The following CEACAM19 variants were observed in gnomAD, a reference collection of about 807,000 sequenced individuals.
CEACAM19 encodes the protein cell adhesion molecule CEACAM19.
CEACAM19 carries 37 observed loss-of-function variants against 37.6 expected under a neutral mutation model. The observed-to-expected ratio is 0.98, with a 90% CI of 0.76 to 1.29. The LOEUF (loss-of-function observed/expected upper bound fraction) is 1.29, where lower values mean the gene tolerates loss of function less well. Ranked by LOEUF, CEACAM19 falls within the 50% of genes most tolerant of loss-of-function variation. CEACAM19 has a pLI of 0.00. For missense variants in CEACAM19, 340 were observed against 375.6 expected, an observed-to-expected ratio of 0.91 and a Z score of 0.78; for synonymous variants, 140 against 149.8, an observed-to-expected ratio of 0.93 and a Z score of 0.48.
At chr19:44,679,501 G>A (rs540280615) in intron 4 of CEACAM19, among the ~76,000 whole-genome samples, 10 of 152,174 alleles carry the variant, frequency 6.6e-5, no homozygotes, top group Non-Finnish European at 1.3e-4. Context: ...TGTAATCCCA[G>A]CACTTTGGGA....
At chr19:44,667,877 AAAT>A (rs1460940162), upstream of CEACAM19, among the ~76,000 whole-genome samples, 1 of 69,034 alleles carries the variant, frequency 1.4e-5, no homozygotes, top group African/African-American at 7.6e-5. Context: ...TATAATATAT[AAAT>A]ATATATAAAT....
chr19:44,667,740 AATATATAAAT>A (rs1162782821), upstream of CEACAM19, among the ~76,000 whole-genome samples: 1 of 73,282 alleles, frequency 1.4e-5, no homozygotes, highest in African/African-American at 6.3e-5. Flanking sequence ...TTATATATAT[AATATATAAAT>A]TATATAAATT....
In CEACAM19 at chr19:44,672,726, C is replaced by T; in HGVS notation, c.186C>T (p.Asp62=). ...SVQGVPDTFQ[D]FNWYLGEETY... Reference sequence around the variant, plus strand: ...AGGGTGTCCCAGACACCTTCCAGGACTTCAACTGGTACCTGGGGGAGGAGA... The same window carrying T: ...AGGGTGTCCCAGACACCTTCCAGGATTTCAACTGGTACCTGGGGGAGGAGA... The change falls in exon 2 of 8, where the codon GAC becomes GAT. Residue 62 remains aspartate, a synonymous_variant. Coordinates refer to ENST00000358777, the MANE Select transcript of CEACAM19 (RefSeq NM_001127893.3). 6 of 1,583,710 alleles carry T rather than the reference C, an allele frequency of 3.8e-6. No homozygotes were observed. The highest frequency in any genetic ancestry group is 5.2e-6 in the Non-Finnish European group (6 of 1,163,718).
At chr19:44,667,850 A>T (rs868031617), upstream of CEACAM19, among the ~76,000 whole-genome samples, 1 of 70,392 alleles carries the variant, frequency 1.4e-5, no homozygotes, top group Non-Finnish European at 2.3e-5. Context: ...TAATATATAC[A>T]ATATATATAA....
At chr19:44,678,584 T>C (rs1238439357) in intron 3 of CEACAM19, 1 of 262,062 alleles carries the variant, frequency 3.8e-6, no homozygotes, top group Non-Finnish European at 7.2e-6. Context: ...CTAATTTTTG[T>C]ATTTTTAGTA....
At chr19:44,668,241 AAT>A (rs1324829824), upstream of CEACAM19, among the ~76,000 whole-genome samples, 1 of 85,316 alleles carries the variant, frequency 1.2e-5, no homozygotes, top group Non-Finnish European at 2.0e-5. Flanking sequence ...ATATTTATAT[AAT>A]ATGTTTATAT....
chr19:44,668,377 A>T (rs1973781884), upstream of CEACAM19, among the ~76,000 whole-genome samples: 1 of 4,364 alleles, frequency 2.3e-4, no homozygotes, highest in Non-Finnish European at 7.5e-4. Context: ...TTTATATATT[A>T]TATATATAAT....
At chr19:44,676,518 A>T in intron 3 of CEACAM19, 97 bp downstream of exon 3, 1 of 1,204,540 alleles carries the variant, frequency 8.3e-7, no homozygotes, top group Non-Finnish European at 1.2e-6. Context: ...CTCATACACA[A>T]TCTCATCAAA....
At position 44,677,207 on chromosome 19, in the gene CEACAM19, A is replaced by C. The variant is rs1973966021; in HGVS notation, c.575+786A>C. Among the ~76,000 whole-genome samples, 6 of 152,278 alleles carry C rather than the reference A, an allele frequency of 3.9e-5. No homozygotes were observed. In the South Asian group the frequency reaches 1.2e-3, roughly 32 times the overall value. ...CTTAACTCAGATCACATGACTTTTC[A>C]TGAACCAATCACTGTGGCCAGGGGT... On this transcript the variant is annotated intron_variant, in intron 3 of 7. Transcript: ENST00000358777.
intron 2 of CEACAM19, among the ~76,000 whole-genome samples, chr19:44,674,075 G>C (rs1236043742): frequency 6.6e-6 from 1 of 152,026 alleles, no homozygotes; most frequent in Non-Finnish European, 1.5e-5. Context: ...GTAAAACCCC[G>C]TCTCTGCTAA....
intron 1 of CEACAM19, 127 bp from the exon 2 acceptor site, chr19:44,672,469 C>A: frequency 9.5e-7 from 1 of 1,054,060 alleles, no homozygotes. Context: ...TAATCAATCC[C>A]AGCATTGTTT....
At chr19:44,680,261 A>G (rs1414550728) in intron 4 of CEACAM19, 27 bp from the exon 5 acceptor site, 1 of 1,597,082 alleles carries the variant, frequency 6.3e-7, no homozygotes, top group Non-Finnish European at 8.6e-7. Context: ...CTCTATCCTA[A>G]TATCAATTCC....
At position 44,682,790 on chromosome 19, in the gene CEACAM19, C is replaced by T. The variant is rs185503775; in HGVS notation, c.846+170C>T. 383 of 593,398 alleles carry T rather than the reference C, an allele frequency of 6.5e-4. 1 individual carries two copies. The African/African-American group carries it at 6.9e-3, about 11-fold the overall frequency. The allele number at this position is 593,398 out of a possible 1,614,324, so 36.8% of individuals were successfully genotyped here. A position where few individuals can be genotyped will look rare whatever the true frequency, so the allele number is the denominator to read the frequency against. ...AAGCCCAAACCGCCTCCCTGAGAGACCCTGGCAAGTCCCTTTTCCTCCCAA... is the reference window on the plus strand; with the variant it reads ...AAGCCCAAACCGCCTCCCTGAGAGATCCTGGCAAGTCCCTTTTCCTCCCAA... On this transcript the variant is annotated intron_variant, in intron 7 of 7. Coordinates refer to ENST00000358777, the MANE Select transcript of CEACAM19 (RefSeq NM_001127893.3).
intron 2 of CEACAM19, among the ~76,000 whole-genome samples, chr19:44,674,603 A>T (rs942868469): frequency 6.6e-6 from 1 of 151,952 alleles, no homozygotes; most frequent in Non-Finnish European, 1.5e-5. Flanking sequence ...GGGTTTCACC[A>T]TGTTGCCCAG....
chr19:44,668,068 TATATAAATATATTTATA>T (rs1331263350), upstream of CEACAM19, among the ~76,000 whole-genome samples: 511 of 85,886 alleles, frequency 5.9e-3, 10 homozygotes, highest in African/African-American at 0.024. Context: ...AAATATATAA[TATATAAATATATTTATA>T]TATTATATAT....
upstream of CEACAM19, among the ~76,000 whole-genome samples, chr19:44,668,474 TA>T (rs1332075494): frequency 1.9e-3 from 120 of 63,776 alleles, 1 homozygote; most frequent in Non-Finnish European, 2.7e-3. Context: ...ATATATAATA[TA>T]ATATATATAT....
intron 2 of CEACAM19, chr19:44,673,632 G>C (rs949404870): frequency 3.9e-5 from 6 of 152,150 alleles, no homozygotes; most frequent in Non-Finnish European, 8.8e-5. Context: ...CCCTGGTTGA[G>C]AACCATTACT....
upstream of CEACAM19, among the ~76,000 whole-genome samples, chr19:44,668,687 AATATATT>A (rs1174768902): frequency 1.0e-3 from 68 of 66,278 alleles, 3 homozygotes; most frequent in Admixed American, 9.8e-3. Context: ...TATATATTAT[AATATATT>A]ATATATTATA....
Position 44,681,317 on chromosome 19 carries a change from G to C in CEACAM19, c.792+5G>C. On this transcript the variant is annotated splice_donor_5th_base_variant and intron_variant, in intron 6 of 7. Transcript: ENST00000358777. ...AGGTCCATAAACCCAGCCCGGGTGA[G>C]TCCCGTCCCCAGCCTCTCCCCTGAA... 2 of 1,608,996 alleles carry C rather than the reference G, an allele frequency of 1.2e-6. No individual in the cohort carries two copies. The highest frequency in any genetic ancestry group is 1.7e-6 in the Non-Finnish European group (2 of 1,175,840).
Sources: allele counts gnomAD v4.1 joint callset (sites outside exome capture counted in the v4.1 genomes callset), GRCh38; gene constraint gnomAD v4.1.1; transcripts MANE v1.5; gene names NCBI Gene and HGNC (gene_info 2026-07-23, HGNC 2026-07-21).